Variants in BBS9 observed in about 807,000 individuals in gnomAD.
BBS9 encodes Bardet-Biedl syndrome 9.
In BBS9, 89 loss-of-function variants were observed where a neutral mutation model predicts 117.7. The observed-to-expected ratio is 0.76, with a 90% CI of 0.64 to 0.90. The LOEUF is 0.90. BBS9 is among the 40% of genes least tolerant of loss of function. BBS9 has a pLI of 0.00. For synonymous variants in BBS9, 379 were observed against 370.9 expected (o/e 1.02, Z -0.25); for missense variants, 982 against 1,042.2 (o/e 0.94, Z 0.80).
At chr7:33,180,427 C>G (rs954445339) in intron 5 of BBS9, among the ~76,000 whole-genome samples, 1 of 143,930 alleles carries the variant, frequency 6.9e-6, no homozygotes, top group Admixed American at 7.1e-5. Flanking sequence ...GCGGTGTGAT[C>G]TCGGCTCACT....
rs147401861 is a variant in BBS9 at position 33,292,727 on chromosome 7, G to A, written c.1016+18771G>A. ...TACTTTAAATTATAGAAAAAAGTTG[G>A]CCGGGCACAGGGGCTCATACTTGCT... On this transcript the variant is annotated intron_variant, in intron 9 of 22. Transcript: ENST00000242067. Among the ~76,000 whole-genome samples, 1,190 of 152,174 alleles carry A rather than the reference G, an allele frequency of 7.8e-3. 18 individuals carry two copies. The highest frequency in any genetic ancestry group is 0.027 in the African/African-American group (1,138 of 41,502).
At chr7:33,236,860 G>A (rs554829099) in intron 5 of BBS9, among the ~76,000 whole-genome samples, 96 of 151,928 alleles carry the variant, frequency 6.3e-4, no homozygotes, top group Non-Finnish European at 1.1e-3. Context: ...CAGTACAATA[G>A]ATCATTAAAA....
chr7:33,605,072 C>A, intron 22 of BBS9, 97 bp downstream of exon 22: 1 of 1,463,812 alleles, frequency 6.8e-7, no homozygotes, highest in Non-Finnish European at 9.6e-7. Context: ...CGCAAAGCTG[C>A]TTGTTTTCCA....
chr7:33,339,080 C>T (rs983865062), intron 10 of BBS9, among the ~76,000 whole-genome samples: 5 of 152,148 alleles, frequency 3.3e-5, no homozygotes, highest in African/African-American at 1.2e-4. Flanking sequence ...TCACAAGATA[C>T]CCAAATAAGA....
chr7:33,409,947 A>G (rs1328421609), intron 19 of BBS9, among the ~76,000 whole-genome samples: 1 of 151,882 alleles, frequency 6.6e-6, no homozygotes, highest in African/African-American at 2.4e-5. Context: ...CTATTTCACC[A>G]TGCCTTTTCC....
At chr7:33,382,742 G>A (rs1377385866) in intron 17 of BBS9, among the ~76,000 whole-genome samples, 1 of 152,168 alleles carries the variant, frequency 6.6e-6, no homozygotes, top group East Asian at 1.9e-4. Flanking sequence ...CTTAAAATGT[G>A]GCTGGTGCAG....
chr7:33,550,950 A>G (rs992013596), intron 21 of BBS9, among the ~76,000 whole-genome samples: 9 of 152,088 alleles, frequency 5.9e-5, no homozygotes, highest in African/African-American at 1.4e-4. Context: ...TTAGTTAGCT[A>G]GGGTTTTTGT....
At chr7:33,288,549 T>C (rs574849714) in intron 9 of BBS9, among the ~76,000 whole-genome samples, 1 of 152,358 alleles carries the variant, frequency 6.6e-6, no homozygotes, top group African/African-American at 2.4e-5. Context: ...AGATAAAAGC[T>C]TTGCTTAGTG....
At chr7:33,556,734 T>A (rs536961983) in intron 21 of BBS9, among the ~76,000 whole-genome samples, 34 of 152,280 alleles carry the variant, frequency 2.2e-4, no homozygotes, top group African/African-American at 7.0e-4. Flanking sequence ...GAGTCCTTGG[T>A]GGGCATCTGA....
intron 5 of BBS9, among the ~76,000 whole-genome samples, chr7:33,196,842 A>G (rs1285550358): frequency 6.6e-6 from 1 of 152,208 alleles, no homozygotes; most frequent in South Asian, 2.1e-4. Context: ...TCCAAGACCT[A>G]TAAAATAATG....
At chr7:33,535,692 A>G (rs1851255553) in intron 21 of BBS9, among the ~76,000 whole-genome samples, 1 of 152,202 alleles carries the variant, frequency 6.6e-6, no homozygotes, top group Non-Finnish European at 1.5e-5. Context: ...TAGTAAATGA[A>G]AACTATTCAT....
At chr7:33,574,361 G>C (rs185793651) in intron 21 of BBS9, among the ~76,000 whole-genome samples, 51 of 152,126 alleles carry the variant, frequency 3.4e-4, no homozygotes, top group Non-Finnish European at 5.1e-4. Context: ...CTATGTGCTG[G>C]CCACTTTTTA....
chr7:33,611,339 A>T (rs979647170), intron 21 of BBS9, among the ~76,000 whole-genome samples: 1 of 151,210 alleles, frequency 6.6e-6, no homozygotes, highest in Admixed American at 6.6e-5. Flanking sequence ...TTATCTTCTC[A>T]GTTAGAACAG....
chr7:33,558,415 G>T (rs1228970255), intron 21 of BBS9, among the ~76,000 whole-genome samples: 1 of 152,074 alleles, frequency 6.6e-6, no homozygotes. Context: ...GATGGGCTTG[G>T]GCATGGCAGG....
At chr7:33,193,423 T>G (rs62449328) in intron 5 of BBS9, among the ~76,000 whole-genome samples, 62,184 of 100,524 alleles carry the variant, frequency 0.62, 15,647 homozygotes, top group Middle Eastern at 0.68. Flanking sequence ...TCTCTCTGCC[T>G]TTTTTTTTTT....
intron 21 of BBS9, among the ~76,000 whole-genome samples, chr7:33,617,371 T>A (rs1450958024): frequency 1.3e-5 from 2 of 152,072 alleles, no homozygotes; most frequent in Non-Finnish European, 2.9e-5. Flanking sequence ...AAGTAAGTTA[T>A]CAGGGATAAA....
chr7:33,173,951 A>C (rs1427366279), intron 4 of BBS9, among the ~76,000 whole-genome samples: 4 of 152,320 alleles, frequency 2.6e-5, no homozygotes, highest in South Asian at 4.1e-4. Flanking sequence ...AATTTCTGCT[A>C]ATTTCCAAGA....
At chr7:33,294,363 A>G (rs989691146) in intron 9 of BBS9, among the ~76,000 whole-genome samples, 2 of 110,422 alleles carry the variant, frequency 1.8e-5, no homozygotes, top group Admixed American at 1.6e-4. Flanking sequence ...CTCTTTGTCC[A>G]TCCATCCATC....
intron 19 of BBS9, among the ~76,000 whole-genome samples, chr7:33,491,546 A>G (rs748656112): frequency 3.3e-5 from 5 of 152,216 alleles, no homozygotes; most frequent in African/African-American, 7.2e-5. Flanking sequence ...ATTCAGTTCA[A>G]TTGAACAAAT....
Sources: allele counts gnomAD v4.1 joint callset (sites outside exome capture counted in the v4.1 genomes callset), GRCh38; gene constraint gnomAD v4.1.1; transcripts MANE v1.5; gene names NCBI Gene and HGNC (gene_info 2026-07-23, HGNC 2026-07-21).